CHCHD3: variants seen among roughly 807,000 people sequenced by gnomAD.
CHCHD3 encodes the protein MICOS complex subunit MIC19.
In CHCHD3, 20 loss-of-function variants were observed where a neutral mutation model predicts 38.2. The observed-to-expected ratio is 0.52, with a 90% CI of 0.37 to 0.76. The LOEUF is 0.76. Among genes scored for constraint, CHCHD3 ranks in the 30% least tolerant of loss-of-function variants. The pLI is 0.00. For missense variants in CHCHD3, 245 were observed against 279.2 expected (o/e 0.88, Z 0.87); for synonymous variants, 82 against 100.0 (o/e 0.82, Z 1.07).
At chr7:132,804,831 GAA>G in intron 6 of CHCHD3, among the ~76,000 whole-genome samples, 1 of 152,204 alleles carries the variant, frequency 6.6e-6, no homozygotes, top group Middle Eastern at 3.4e-3. Context: ...GACAAGTGAA[GAA>G]AAAAAATTAT....
chr7:133,032,949 G>A (rs1813541407), intron 2 of CHCHD3, among the ~76,000 whole-genome samples: 1 of 152,122 alleles, frequency 6.6e-6, no homozygotes, highest in Non-Finnish European at 1.5e-5. Flanking sequence ...ACTAAATGAA[G>A]TACAGAAACC....
intron 2 of CHCHD3, among the ~76,000 whole-genome samples, chr7:133,025,382 TAAAC>T (rs1234875026): frequency 2.6e-5 from 4 of 152,182 alleles, no homozygotes; most frequent in African/African-American, 9.7e-5. Flanking sequence ...CCACAAGAAA[TAAAC>T]AAAGACTAAC....
At chr7:132,857,681 T>C (rs1336476647) in intron 5 of CHCHD3, among the ~76,000 whole-genome samples, 1 of 152,188 alleles carries the variant, frequency 6.6e-6, no homozygotes, top group Non-Finnish European at 1.5e-5. Flanking sequence ...GTGCTGGGAT[T>C]ACAGGCATGA....
At chr7:132,997,588 A>C (rs1483479009) in intron 3 of CHCHD3, among the ~76,000 whole-genome samples, 1 of 151,458 alleles carries the variant, frequency 6.6e-6, no homozygotes, top group African/African-American at 2.4e-5. Context: ...AATTTTAGAC[A>C]CAAAAAATGC....
At chr7:132,807,866 G>A (rs1230898782) in intron 6 of CHCHD3, among the ~76,000 whole-genome samples, 4 of 151,202 alleles carry the variant, frequency 2.6e-5, no homozygotes, top group Non-Finnish European at 5.9e-5. Context: ...AAAAATATAC[G>A]GCATTTTATT....
chr7:133,063,030 C>T (rs1029243587), intron 2 of CHCHD3, among the ~76,000 whole-genome samples: 13 of 152,242 alleles, frequency 8.5e-5, no homozygotes, highest in African/African-American at 2.9e-4. Context: ...TTCATTCTCT[C>T]TCCCACTGCA....
chr7:132,805,628 G>C (rs1003346134), intron 6 of CHCHD3, among the ~76,000 whole-genome samples: 3 of 152,030 alleles, frequency 2.0e-5, no homozygotes, highest in African/African-American at 7.2e-5. Flanking sequence ...AGAGGGTGAA[G>C]TTATAAAGGT....
In CHCHD3 at chr7:132,928,084, G is replaced by A. The variant is rs887316457; in HGVS notation, c.370-42339C>T. On this transcript the variant is annotated intron_variant, in intron 4 of 7. Coordinates refer to ENST00000262570, the MANE Select transcript of CHCHD3 (RefSeq NM_017812.4). ...AAAGAGTAGGCTGGGGACTCTAGTT[G>A]GAGGCTGGAGTCCAGGCCTGATTCA... 3.9e-5 allele frequency among the ~76,000 whole-genome samples: 6 copies of A among 152,232 alleles called. No individual in the cohort carries two copies. In the East Asian group the frequency reaches 1.2e-3, roughly 29 times the overall value.
intron 5 of CHCHD3, among the ~76,000 whole-genome samples, chr7:132,880,011 T>C (rs1204050290): frequency 6.6e-6 from 1 of 152,134 alleles, no homozygotes; most frequent in Non-Finnish European, 1.5e-5. Flanking sequence ...TGGGAGAAAA[T>C]TATGCATTTT....
chr7:133,033,771 C>T (rs998289764), intron 2 of CHCHD3, among the ~76,000 whole-genome samples: 2 of 152,216 alleles, frequency 1.3e-5, no homozygotes, highest in Admixed American at 1.3e-4. Flanking sequence ...ACATTTTGCC[C>T]GGTCCACTTA....
At chr7:133,041,552 G>A (rs572575236) in intron 2 of CHCHD3, among the ~76,000 whole-genome samples, 3 of 152,258 alleles carry the variant, frequency 2.0e-5, no homozygotes, top group South Asian at 2.1e-4. Flanking sequence ...TAAGTGAAGC[G>A]ATGCTCTTGA....
rs1811653764 is a variant in CHCHD3 at position 132,973,162 on chromosome 7, CAA to C, written c.369+2005_369+2006del. The stretch of plus-strand genomic sequence containing the variant: ...GTAAGACAGTATGTCCAAATTCAGG[CAA>C]AAAGAGGTGGAGAAAGAGTGCTTCA... On this transcript the variant is annotated intron_variant, in intron 4 of 7. Coordinates refer to ENST00000262570, the MANE Select transcript of CHCHD3 (RefSeq NM_017812.4). 9.1e-6 allele frequency: 9 copies of C among 984,958 alleles called. No individual in the cohort carries two copies. The Middle Eastern group carries it at 2.1e-3, about 226-fold the overall frequency. The allele number at this position is 984,958 out of a possible 1,614,324, so 61.0% of individuals were successfully genotyped here.
chr7:132,845,495 T>C (rs1273007019), intron 5 of CHCHD3, among the ~76,000 whole-genome samples: 1 of 152,194 alleles, frequency 6.6e-6, no homozygotes, highest in African/African-American at 2.4e-5. Context: ...AAGACAATAG[T>C]GGACCAGTGT....
intron 4 of CHCHD3, among the ~76,000 whole-genome samples, chr7:132,911,058 A>C (rs971807154): frequency 5.9e-5 from 9 of 152,226 alleles, no homozygotes; most frequent in African/African-American, 1.9e-4. Flanking sequence ...TTAGGCTCAA[A>C]AAGAAGCATG....
chr7:132,878,554 T>C (rs984516756), intron 5 of CHCHD3, among the ~76,000 whole-genome samples: 1 of 152,220 alleles, frequency 6.6e-6, no homozygotes, highest in Non-Finnish European at 1.5e-5. Flanking sequence ...AATGGCAATT[T>C]ATTTTTCACC....
intron 2 of CHCHD3, among the ~76,000 whole-genome samples, chr7:133,042,840 ACAAAGTTTTT>A (rs1813869540): frequency 1.3e-5 from 2 of 152,296 alleles, no homozygotes; most frequent in South Asian, 4.1e-4. Context: ...AAAGATCATG[ACAAAGTTTTT>A]TTTTGTTTGT....
In CHCHD3 at chr7:133,035,338, T is replaced by C; in HGVS notation, c.170-10711A>G. On this transcript the variant is annotated intron_variant, in intron 2 of 7. Transcript: ENST00000262570. This position sits in a 1 kb window ranked among gnomAD's most constrained non-coding sequence, Gnocchi z 4.7. ...ACAGCCCGGAACTGGGGCTGGTTAA[T>C]GCAGGTGAGGAACCAGCGGTTGGTA... The C allele has an allele frequency of 1.9e-6, 3 of 1,611,486 alleles. No homozygotes were observed. The highest frequency in any genetic ancestry group is 2.5e-6 in the Non-Finnish European group (3 of 1,177,628).
rs768136991 is a variant in CHCHD3 at position 132,990,951 on chromosome 7, T to TACACACACACACACACACACACACAC, written c.252-15691_252-15666dup. Among the ~76,000 whole-genome samples the TACACACACACACACACACACACACAC allele has an allele frequency of 1.5e-3, 221 of 143,776 alleles. 5 individuals carry two copies. Among genetic ancestry groups the TACACACACACACACACACACACACAC allele is most frequent in the African/African-American group, 5.6e-3 (211 of 37,700 alleles). 94.3% of individuals were successfully genotyped at this position (143,776 alleles called of 152,430 possible). ...TTCTGCTCCCCTACACAGACACACA[T>TACACACACACACACACACACACACAC]ACACACACACACACACACACACACA... On this transcript the variant is annotated intron_variant, in intron 3 of 7. Transcript: ENST00000262570.
chr7:132,981,274 G>C (rs1811912518), intron 3 of CHCHD3, among the ~76,000 whole-genome samples: 2 of 151,990 alleles, frequency 1.3e-5, no homozygotes, highest in Admixed American at 1.3e-4. Context: ...GCCTCCCAAA[G>C]TGCTGAGATT....
Sources: gnomAD v4.1 joint callset for allele counts (sites outside exome capture counted in the v4.1 genomes callset) on GRCh38, gnomAD v4.1.1 for gene constraint, Gnocchi (gnomAD v3.1) non-coding constraint, MANE v1.5 for transcripts, NCBI Gene and HGNC (gene_info 2026-07-23, HGNC 2026-07-21) for gene names.